The following LGI1 variants were observed in gnomAD, a reference collection of about 807,000 sequenced individuals.
The protein encoded by LGI1 is leucine rich glioma inactivated 1.
LGI1 carries 11 observed loss-of-function variants against 57.7 expected under a neutral mutation model. The observed-to-expected ratio is 0.19, with a 90% CI of 0.12 to 0.32. The LOEUF (loss-of-function observed/expected upper bound fraction) is 0.32, where lower values mean the gene tolerates loss of function less well. LGI1 is among the 10% of genes least tolerant of loss of function. LGI1 has a pLI of 1.00. For missense variants in LGI1, 422 were observed against 661.9 expected (o/e 0.64, Z 3.98); for synonymous variants, 222 against 241.9 (o/e 0.92, Z 0.76).
At chr10:93,783,841 A>G (rs953232949) in intron 4 of LGI1, among the ~76,000 whole-genome samples, 1 of 152,016 alleles carries the variant, frequency 6.6e-6, no homozygotes, top group South Asian at 2.1e-4. Flanking sequence ...GTGAAACCCC[A>G]TCTCTACTAA....
intron 2 of LGI1, chr10:93,776,911 T>C (rs1474285911): frequency 1.0e-5 from 2 of 199,710 alleles, no homozygotes; most frequent in African/African-American, 4.7e-5. Flanking sequence ...CAACTGCCTG[T>C]CTGTTACGAG....
intron 4 of LGI1, among the ~76,000 whole-genome samples, chr10:93,779,794 C>T (rs2059830639): frequency 6.6e-6 from 1 of 152,172 alleles, no homozygotes; most frequent in African/African-American, 2.4e-5. Flanking sequence ...AGAGGCATGA[C>T]TCTTAACAGG....
At chr10:93,790,264 TTAAATTAAAATTAGGATTTTTAAATC>T in intron 5 of LGI1, 94 bp downstream of exon 5, 1 of 1,132,862 alleles carries the variant, frequency 8.8e-7, no homozygotes, top group Non-Finnish European at 1.3e-6. Context: ...TAATTGGCTT[TTAAATTAAAATTAGGATTTTTAAATC>T]TAAATTTTAA....
At chr10:93,789,982 A>G (rs953220449) in intron 4 of LGI1, 117 bp from the exon 5 acceptor site, 2 of 1,016,350 alleles carry the variant, frequency 2.0e-6, no homozygotes, top group Non-Finnish European at 2.9e-6. Context: ...AAAAAGGACC[A>G]CAAGTCTTTT....
rs554021523 is a variant in LGI1, at chr10:93,783,282, G to A, written c.431+5665G>A. On this transcript the variant is annotated intron_variant, in intron 4 of 7. Coordinates refer to ENST00000371418, the MANE Select transcript of LGI1 (RefSeq NM_005097.4). ...TCCCAGCTACTCGGGAGGCTGAGGC[G>A]GGAGAATGGCGTGAACCCGGGAGGT... Among the ~76,000 whole-genome samples the A allele has an allele frequency of 6.1e-4, 93 of 152,184 alleles. 1 individual carries two copies. The highest frequency in any genetic ancestry group is 2.3e-3 in the East Asian group (12 of 5,144).
chr10:93,778,108 T>C (rs936557975), intron 4 of LGI1, among the ~76,000 whole-genome samples: 1 of 152,316 alleles, frequency 6.6e-6, no homozygotes, highest in South Asian at 2.1e-4. Context: ...GGGAACAATT[T>C]TGTCTCCCAG....
At chr10:93,785,687 T>A (rs1258480234) in intron 4 of LGI1, among the ~76,000 whole-genome samples, 3 of 152,000 alleles carry the variant, frequency 2.0e-5, no homozygotes, top group Non-Finnish European at 4.4e-5. Context: ...AAGCTGGGAG[T>A]GGGATGAAGA....
intron 5 of LGI1, chr10:93,791,094 A>G (rs1389989576): frequency 6.6e-6 from 1 of 152,242 alleles, no homozygotes; most frequent in Non-Finnish European, 1.5e-5. Flanking sequence ...TAGCCTAATG[A>G]AAAACTTTCT....
At chr10:93,774,475 T>C (rs1340521328) in intron 2 of LGI1, among the ~76,000 whole-genome samples, 1 of 152,170 alleles carries the variant, frequency 6.6e-6, no homozygotes, top group East Asian at 1.9e-4. Context: ...TTGCACGTAA[T>C]TTTACCTACC....
chr10:93,774,046 C>T (rs2059768112), intron 2 of LGI1, among the ~76,000 whole-genome samples: 1 of 152,100 alleles, frequency 6.6e-6, no homozygotes, highest in Non-Finnish European at 1.5e-5. Flanking sequence ...ATTGCAGACT[C>T]TAGGCTACAC....
In LGI1 at chr10:93,797,132, A is replaced by G. The variant is rs2134026335; in HGVS notation, c.1003A>G (p.Ile335Val). The G allele has an allele frequency of 6.2e-7, 1 of 1,614,226 alleles. No individual in the cohort carries two copies. The highest frequency in any genetic ancestry group is 8.5e-7 in the Non-Finnish European group (1 of 1,180,034). The change falls in exon 8 of 8, where the codon ATT (isoleucine) becomes GTT (valine). Residue 335 changes from isoleucine to valine, a missense_variant. By Grantham distance (29) the Ile-to-Val change is conservative. Around this residue, in one of 3 missense-constraint regions of LGI1, gnomAD observed 301 missense variants for 461.7 expected, o/e 0.65. Transcript: ENST00000371418. This position sits in a 1 kb window ranked among gnomAD's most constrained non-coding sequence, Gnocchi z 6.5. ...TCTCAAAATCCGAAAACCCAATGACATTGAAACATTCAAGATTGAAAACAA... is the reference window on the plus strand; with the variant it reads ...TCTCAAAATCCGAAAACCCAATGACGTTGAAACATTCAAGATTGAAAACAA... ...EILKIRKPNDIETFKIENNWY... is the reference protein window; with the variant it reads ...EILKIRKPNDVETFKIENNWY...
chr10:93,797,108 C>T lies in LGI1; in HGVS notation c.979C>T (p.Leu327Phe). 1 of 1,613,558 alleles carries T rather than the reference C, an allele frequency of 6.2e-7. No homozygotes were observed. Among genetic ancestry groups the T allele is most frequent in the Non-Finnish European group, 8.5e-7 (1 of 1,179,678 alleles). ...CATAAAAATCCAGGATATTGAAATT[C>T]TCAAAATCCGAAAACCCAATGACAT... ...KFIKIQDIEI[L>F]KIRKPNDIET... The change falls in exon 8 of 8, where the codon CTC becomes TTC. Residue 327 changes from leucine (L) to phenylalanine (F), a missense_variant. Physicochemically the swap from Leu to Phe is conservative, Grantham distance 22. Around this residue, in one of 3 missense-constraint regions of LGI1, gnomAD observed 301 missense variants for 461.7 expected, o/e 0.65. Coordinates refer to ENST00000371418, the MANE Select transcript of LGI1 (RefSeq NM_005097.4). The surrounding 1 kb of genome is among the most constrained non-coding windows in gnomAD (Gnocchi z 6.5).
At chr10:93,792,336 T>C (rs1229284379) in intron 5 of LGI1, 4 of 186,950 alleles carry the variant, frequency 2.1e-5, no homozygotes, top group Admixed American at 5.4e-5. Context: ...ATATTGATGA[T>C]GTGTCAAAAT....
chr10:93,777,728 C>A, intron 4 of LGI1, 111 bp downstream of exon 4: 1 of 794,408 alleles, frequency 1.3e-6, no homozygotes, highest in Non-Finnish European at 2.1e-6. Context: ...TTAAGAAACC[C>A]AAATGACTTC....
At chr10:93,773,090 A>C (rs962438654) in intron 2 of LGI1, among the ~76,000 whole-genome samples, 89 of 130,702 alleles carry the variant, frequency 6.8e-4, no homozygotes, top group Non-Finnish European at 1.3e-3. Context: ...AAAAAGAAAC[A>C]AAAAAAAAAA....
intron 4 of LGI1, among the ~76,000 whole-genome samples, chr10:93,787,518 G>A (rs2059900885): frequency 6.6e-6 from 1 of 152,138 alleles, no homozygotes; most frequent in South Asian, 2.1e-4. Flanking sequence ...GCTCTGTTTT[G>A]CCATCTGTTC....
At chr10:93,789,265 G>A (rs1411534449) in intron 4 of LGI1, 1 of 152,216 alleles carries the variant, frequency 6.6e-6, no homozygotes, top group African/African-American at 2.4e-5. Context: ...ACTTTTTTCT[G>A]AGGTGGAATG....
chr10:93,798,053 A>G lies in LGI1; in HGVS notation c.*250A>G, dbSNP rs2059995896. 2 of 541,610 alleles carry G rather than the reference A, an allele frequency of 3.7e-6. No homozygotes were observed. The highest frequency in any genetic ancestry group is 3.8e-5 in the African/African-American group (2 of 52,766). The allele number at this position is 541,610 out of a possible 1,614,324, so 33.6% of individuals were successfully genotyped here. A position where few individuals can be genotyped will look rare whatever the true frequency, so the allele number is the denominator to read the frequency against. On this transcript the variant is annotated 3_prime_UTR_variant, in exon 8 of 8. Coordinates refer to ENST00000371418, the MANE Select transcript of LGI1 (RefSeq NM_005097.4). The stretch of plus-strand genomic sequence containing the variant: ...AGTGAAGATGTGTAAATAAGCGTTT[A>G]ATGGTATCTGTTACTCCAAAAAGAA...
At chr10:93,783,390 GTAAA>G (rs1050571120) in intron 4 of LGI1, among the ~76,000 whole-genome samples, 1 of 152,106 alleles carries the variant, frequency 6.6e-6, no homozygotes, top group Non-Finnish European at 1.5e-5. Flanking sequence ...AAATAAATAA[GTAAA>G]TAAATAAATA....
Sources: gnomAD v4.1 joint callset for allele counts (sites outside exome capture counted in the v4.1 genomes callset) on GRCh38, gnomAD v4.1.1 for gene constraint, gnomAD v4.1.1 regional missense constraint, Gnocchi (gnomAD v3.1) non-coding constraint, MANE v1.5 for transcripts, NCBI Gene and HGNC (gene_info 2026-07-23, HGNC 2026-07-21) for gene names.